Variants in MRC1 observed in about 807,000 individuals in gnomAD.
The protein encoded by MRC1 is macrophage mannose receptor 1.
Under a neutral mutation model 102.9 loss-of-function variants are expected in MRC1, and 62 were observed. That is an observed-to-expected ratio of 0.60 (90% CI 0.49 to 0.74). The LOEUF (loss-of-function observed/expected upper bound fraction) is 0.74, where lower values mean the gene tolerates loss of function less well. Ranked by LOEUF, MRC1 falls within the 30% of genes least tolerant of loss-of-function variation. The probability of loss-of-function intolerance (pLI) is 0.00; values close to 1 mark genes in which losing one functional copy is unlikely to be tolerated. For missense variants in MRC1, 1,237 were observed against 862.8 expected (o/e 1.43, Z -5.43); for synonymous variants, 457 against 298.4 (o/e 1.53, Z -5.48).
chr10:17,818,635 C>A (rs1838348337), intron 1 of MRC1, among the ~76,000 whole-genome samples: 1 of 152,056 alleles, frequency 6.6e-6, no homozygotes, highest in Non-Finnish European at 1.5e-5. Context: ...ATGGTGAAAC[C>A]CCACCTCTAC....
At chr10:17,835,849 G>A (rs1838654479) in intron 4 of MRC1, among the ~76,000 whole-genome samples, 1 of 152,192 alleles carries the variant, frequency 6.6e-6, no homozygotes, top group Admixed American at 6.5e-5. Flanking sequence ...AGATCAGTAG[G>A]TGTGACACAG....
intron 24 of MRC1, 25 bp downstream of exon 24, chr10:17,898,291 C>G: frequency 1.3e-6 from 1 of 780,772 alleles, no homozygotes; most frequent in South Asian, 1.3e-5. Flanking sequence ...ATATGTGCAA[C>G]TTGACATGAT....
chr10:17,861,266 T>C (rs888622847), intron 9 of MRC1, 121 bp from the exon 10 acceptor site: 1 of 562,470 alleles, frequency 1.8e-6, no homozygotes, highest in Non-Finnish European at 3.2e-6. Flanking sequence ...TGAGCCAAGA[T>C]TGCGCCATTG....
chr10:17,850,200 T>C (rs1431516319), intron 7 of MRC1, among the ~76,000 whole-genome samples: 2 of 152,076 alleles, frequency 1.3e-5, no homozygotes, highest in African/African-American at 2.4e-5. Flanking sequence ...AGATTTCTTT[T>C]TTCTTTGTGA....
chr10:17,861,121 C>T (rs1315864554), intron 9 of MRC1, among the ~76,000 whole-genome samples: 1 of 152,174 alleles, frequency 6.6e-6, no homozygotes, highest in African/African-American at 2.4e-5. Flanking sequence ...ACCAGCCTGG[C>T]CAGCATGGTG....
intron 7 of MRC1, among the ~76,000 whole-genome samples, chr10:17,850,429 C>T (rs917451751): frequency 6.6e-6 from 1 of 151,588 alleles, no homozygotes; most frequent in Admixed American, 6.6e-5. Context: ...AGCAAGACCT[C>T]GTCTCTACTA....
chr10:17,890,888 C>A (rs1554843056), intron 22 of MRC1, among the ~76,000 whole-genome samples: 1 of 152,096 alleles, frequency 6.6e-6, no homozygotes, highest in African/African-American at 2.4e-5. Context: ...CGTTCCTCGT[C>A]ACTCGCATCA....
chr10:17,893,564 C>G (rs980836282), intron 22 of MRC1, among the ~76,000 whole-genome samples: 2 of 151,784 alleles, frequency 1.3e-5, no homozygotes, highest in Admixed American at 6.6e-5. Context: ...TCCAACAGGA[C>G]CAGGTATGAG....
intron 26 of MRC1, among the ~76,000 whole-genome samples, chr10:17,905,335 G>T (rs1418937808): frequency 3.9e-5 from 6 of 152,206 alleles, no homozygotes; most frequent in African/African-American, 1.2e-4. Context: ...TTGAATTATT[G>T]CAAGCCTTTG....
At chr10:17,903,822 G>C (rs1012859886) in intron 26 of MRC1, among the ~76,000 whole-genome samples, 34 of 152,222 alleles carry the variant, frequency 2.2e-4, no homozygotes, top group African/African-American at 6.7e-4. Context: ...CAAGCATGGT[G>C]GTGGGTGCCT....
chr10:17,882,531 T>C (rs1355823303), intron 21 of MRC1, among the ~76,000 whole-genome samples: 1 of 152,142 alleles, frequency 6.6e-6, no homozygotes, highest in Non-Finnish European at 1.5e-5. Context: ...CTTTGACTTC[T>C]AGAATCATTT....
chr10:17,891,508 T>TA (rs1833675930), intron 22 of MRC1, among the ~76,000 whole-genome samples: 1 of 152,138 alleles, frequency 6.6e-6, no homozygotes, highest in South Asian at 2.1e-4. Context: ...ATAACAGCAG[T>TA]AAAGTGCATA....
chr10:17,906,414 A>G (rs1833896132), intron 26 of MRC1, among the ~76,000 whole-genome samples: 2 of 148,032 alleles, frequency 1.4e-5, no homozygotes, highest in Admixed American at 1.4e-4. Context: ...TCCTCTTATT[A>G]CCTCTTTTTC....
chr10:17,851,901 A>T (rs1458881991), intron 7 of MRC1, among the ~76,000 whole-genome samples: 1 of 152,256 alleles, frequency 6.6e-6, no homozygotes, highest in Non-Finnish European at 1.5e-5. Flanking sequence ...TAAACCGCTT[A>T]GGGAGAATCT....
At chr10:17,868,145 A>T (rs1260293145) in intron 12 of MRC1, among the ~76,000 whole-genome samples, 12 of 152,262 alleles carry the variant, frequency 7.9e-5, no homozygotes, top group Admixed American at 2.0e-4. Context: ...TATAAGTCAC[A>T]TCCTTTCTGG....
At chr10:17,824,515 G>T (rs1405087564) in intron 2 of MRC1, among the ~76,000 whole-genome samples, 6 of 152,160 alleles carry the variant, frequency 3.9e-5, no homozygotes, top group African/African-American at 1.2e-4. Context: ...TTCCATCTAG[G>T]CACAGAAGAA....
In MRC1 at chr10:17,878,048, T is replaced by A. The variant is rs1046844128; in HGVS notation, c.2618+81T>A. On this transcript the variant is annotated intron_variant, in intron 18 of 29. Transcript: ENST00000569591. ...TATGAGTTATTTTGAGATTTTTCTT[T>A]GTGGAATGCATTTTTAAAAATCCTA... is the stretch of plus-strand genomic sequence containing the variant. 1,025 of 810,616 alleles carry A rather than the reference T, an allele frequency of 1.3e-3. 10 individuals are homozygous for A. In the African/African-American group the frequency reaches 0.015, roughly 12 times the overall value. The allele number at this position is 810,616 out of a possible 1,614,324, so 50.2% of individuals were successfully genotyped here.
At chr10:17,820,313 C>T (rs1838375902) in intron 1 of MRC1, among the ~76,000 whole-genome samples, 1 of 151,484 alleles carries the variant, frequency 6.6e-6, no homozygotes, top group Non-Finnish European at 1.5e-5. Flanking sequence ...CAGGAAGACT[C>T]CTAGGTTTTT....
At chr10:17,832,190 C>G (rs963124168) in intron 3 of MRC1, among the ~76,000 whole-genome samples, 14 of 151,634 alleles carry the variant, frequency 9.2e-5, no homozygotes, top group Admixed American at 2.0e-4. Flanking sequence ...AATGTGCAGG[C>G]AAAGGCAAAA....
Sources: allele counts gnomAD v4.1 joint callset (sites outside exome capture counted in the v4.1 genomes callset), GRCh38; gene constraint gnomAD v4.1.1; transcripts MANE v1.5; gene names NCBI Gene and HGNC (gene_info 2026-07-23, HGNC 2026-07-21).